RAB3D: variants seen among roughly 807,000 people sequenced by gnomAD.
RAB3D encodes the protein RAB3D, member RAS oncogene family.
RAB3D carries 17 observed loss-of-function variants against 19.3 expected under a neutral mutation model. The ratio of observed to expected loss-of-function variants is 0.88; its 90% confidence interval spans 0.60 to 1.32. The LOEUF is 1.32. Ranked by LOEUF, RAB3D falls within the 40% of genes most tolerant of loss-of-function variation. The pLI, the probability that RAB3D is intolerant of heterozygous loss-of-function variation, is 0.00. For synonymous variants in RAB3D, 103 were observed against 119.9 expected (o/e 0.86, Z 0.92); for missense variants, 223 against 299.1 (o/e 0.75, Z 1.88).
rs150471578 is a variant in RAB3D, at chr19:11,338,137, T to A, written c.-61-677A>T. Among the ~76,000 whole-genome samples, 59 of 152,232 alleles carry A rather than the reference T, an allele frequency of 3.9e-4. 1 individual carries two copies. Among genetic ancestry groups the A allele is most frequent in the African/African-American group, 1.3e-3 (55 of 41,562 alleles). ...CACGTAACGGTCATTAGACAGTGCCTGGTATAGAGCTGGGGCACAAAAAAT... is the reference window on the plus strand; with the variant it reads ...CACGTAACGGTCATTAGACAGTGCCAGGTATAGAGCTGGGGCACAAAAAAT... On this transcript the variant is annotated intron_variant, in intron 1 of 4. Coordinates refer to ENST00000222120, the MANE Select transcript of RAB3D (RefSeq NM_004283.4).
rs2080800265 is a variant in RAB3D at position 11,324,579 on chromosome 19, C to G, written c.*819G>C. ...AGGTTAATTAACTTCTGGCCGAAAG[C>G]CCAGAGCCGGAGTGCTAGGGGTTGG... On this transcript the variant is annotated 3_prime_UTR_variant, in exon 5 of 5. Transcript: ENST00000222120. The G allele has an allele frequency of 6.6e-6, 1 of 152,646 alleles. No individual in the cohort carries two copies. Among genetic ancestry groups the G allele is most frequent in the Non-Finnish European group, 1.5e-5 (1 of 68,066 alleles). 9.5% of individuals were successfully genotyped at this position (152,646 alleles called of 1,614,324 possible).
intron 4 of RAB3D, among the ~76,000 whole-genome samples, chr19:11,332,479 A>G (rs1057149643): frequency 1.3e-5 from 2 of 152,102 alleles, no homozygotes; most frequent in African/African-American, 2.4e-5. Flanking sequence ...TGAGTAGCTG[A>G]GACTATAGGT....
chr19:11,335,737 T>C lies in RAB3D; in HGVS notation c.275A>G (p.Tyr92Cys). ...ERYRTITTAY[Y>C]RGAMGFLLMY... ...GAGCAGGAAGCCCATGGCTCCCCGG[T>C]AGTAGGCCGTGGTGATGGTGCGGTA... The change falls in exon 3 of 5, where the codon TAC becomes TGC. Residue 92 changes from tyrosine to cysteine, a missense_variant. Transcript: ENST00000222120. 6.2e-7 allele frequency: 1 copy of C among 1,614,184 alleles called. No individual in the cohort carries two copies. The highest frequency in any genetic ancestry group is 8.5e-7 in the Non-Finnish European group (1 of 1,180,030).
chr19:11,332,137 A>G (rs955702107), intron 4 of RAB3D, among the ~76,000 whole-genome samples: 4 of 152,138 alleles, frequency 2.6e-5, no homozygotes, highest in African/African-American at 9.7e-5. Flanking sequence ...GGTTCAAGTG[A>G]TTCTCCTCCC....
At chr19:11,334,629 A>C (rs998128897) in intron 4 of RAB3D, among the ~76,000 whole-genome samples, 1 of 151,598 alleles carries the variant, frequency 6.6e-6, no homozygotes, top group African/African-American at 2.4e-5. Context: ...TCTCCACGCA[A>C]AATTAAAAAA....
chr19:11,328,377 C>T (rs967840422), intron 4 of RAB3D, among the ~76,000 whole-genome samples: 5 of 146,322 alleles, frequency 3.4e-5, no homozygotes, highest in Non-Finnish European at 5.9e-5. Flanking sequence ...GGGTGCCAGG[C>T]GTGGTGGCTC....
intron 4 of RAB3D, chr19:11,327,000 AG>A: frequency 2.1e-6 from 1 of 481,538 alleles, no homozygotes; most frequent in Non-Finnish European, 3.7e-6. Flanking sequence ...CACCAAGGTA[AG>A]CCAGGAATTC....
At chr19:11,333,819 A>T (rs2080843214) in intron 4 of RAB3D, among the ~76,000 whole-genome samples, 1 of 151,370 alleles carries the variant, frequency 6.6e-6, no homozygotes, top group African/African-American at 2.4e-5. Flanking sequence ...TCAGCCTCCC[A>T]AGTAGCTGGG....
chr19:11,330,283 G>A (rs1301443714), intron 4 of RAB3D, among the ~76,000 whole-genome samples: 1 of 152,172 alleles, frequency 6.6e-6, no homozygotes, highest in Non-Finnish European at 1.5e-5. Flanking sequence ...TAGGCTTTCT[G>A]GGTCATATGG....
intron 2 of RAB3D, among the ~76,000 whole-genome samples, chr19:11,336,111 G>T (rs879763146): frequency 6.6e-5 from 10 of 152,112 alleles, no homozygotes; most frequent in Non-Finnish European, 1.0e-4. Context: ...GAACCAACTG[G>T]GCCAGATGGT....
rs771796812 is a variant in RAB3D, at chr19:11,325,580, C to G, written c.478G>C (p.Glu160Gln). Reference sequence around the variant, plus strand: ...TCCTTGGCACTGGCTTCAAAGAACTCGAAACCTGGATGAATGTTAAGGTGG... The same window carrying G: ...TCCTTGGCACTGGCTTCAAAGAACTGGAAACCTGGATGAATGTTAAGGTGG... ...GRRLADDLGF[E>Q]FFEASAKENI... is the part of the protein sequence containing the mutation. The change falls in exon 5 of 5, where the codon GAG becomes CAG. Residue 160 changes from glutamate (E) to glutamine (Q), a missense_variant. Transcript: ENST00000222120. 10 of 1,607,350 alleles carry G rather than the reference C, an allele frequency of 6.2e-6. No homozygotes were observed. The highest frequency in any genetic ancestry group is 1.7e-5 in the Admixed American group (1 of 59,628).
rs565897769 is a variant in RAB3D at position 11,328,110 on chromosome 19, G to C, written c.473-2525C>G. On this transcript the variant is annotated intron_variant, in intron 4 of 4. Coordinates refer to ENST00000222120, the MANE Select transcript of RAB3D (RefSeq NM_004283.4). ...GCATTTTGGGAGGCCAAGGTGAGCGGATCACTTGAGGTCTGGAGTTTGAGA... is the reference window on the plus strand; with the variant it reads ...GCATTTTGGGAGGCCAAGGTGAGCGCATCACTTGAGGTCTGGAGTTTGAGA... Among the ~76,000 whole-genome samples the C allele has an allele frequency of 1.6e-4, 25 of 151,914 alleles. 1 individual carries two copies. The highest frequency in any genetic ancestry group is 3.4e-3 in the Middle Eastern group (1 of 292).
In RAB3D at chr19:11,324,556, GTTAA is replaced by G. The variant is rs754850166; in HGVS notation, c.*838_*841del. 4 of 152,776 alleles carry G rather than the reference GTTAA, an allele frequency of 2.6e-5. No homozygotes were observed. Among genetic ancestry groups the G allele is most frequent in the East Asian group, 3.9e-4 (2 of 5,188 alleles). 9.5% of individuals were successfully genotyped at this position (152,776 alleles called of 1,614,324 possible). ...CCAGCCCCAGGCTCCTGGCTCTGAG[GTTAA>G]TTAACTTCTGGCCGAAAGCCCAGAG... On this transcript the variant is annotated 3_prime_UTR_variant, in exon 5 of 5. Coordinates refer to ENST00000222120, the MANE Select transcript of RAB3D (RefSeq NM_004283.4).
chr19:11,322,753 G>GA lies in RAB3D; in HGVS notation c.*2644dup, dbSNP rs891098674. 157 of 152,280 alleles carry GA rather than the reference G, an allele frequency of 1.0e-3. No individual in the cohort carries two copies. The highest frequency in any genetic ancestry group is 3.7e-3 in the African/African-American group (154 of 41,562). The allele number at this position is 152,280 out of a possible 1,614,324, so 9.4% of individuals were successfully genotyped here. ...GGCTGCTACTTGAAGTTGAATTCTT[G>GA]AAAAATCTTATGTAAACAGAAAGCT... On this transcript the variant is annotated 3_prime_UTR_variant, in exon 5 of 5. Coordinates refer to ENST00000222120, the MANE Select transcript of RAB3D (RefSeq NM_004283.4).
intron 1 of RAB3D, among the ~76,000 whole-genome samples, chr19:11,338,507 A>G (rs1179224781): frequency 6.6e-6 from 1 of 152,056 alleles, no homozygotes; most frequent in Non-Finnish European, 1.5e-5. Flanking sequence ...ACTCATGCCA[A>G]ATACAACCCC....
chr19:11,324,862 C>T lies in RAB3D; in HGVS notation c.*536G>A, dbSNP rs1429440422. 6.6e-6 allele frequency: 1 copy of T among 152,520 alleles called. No homozygotes were observed. Among genetic ancestry groups the T allele is most frequent in the Non-Finnish European group, 1.5e-5 (1 of 68,236 alleles). The allele number at this position is 152,520 out of a possible 1,614,324, so 9.4% of individuals were successfully genotyped here. On this transcript the variant is annotated 3_prime_UTR_variant, in exon 5 of 5. Coordinates refer to ENST00000222120, the MANE Select transcript of RAB3D (RefSeq NM_004283.4). ...CTGCAGGGGTCAAAGGGATCACCATCCCACCTTGGAATCCAGAAAGTTCGT... is the reference window on the plus strand; with the variant it reads ...CTGCAGGGGTCAAAGGGATCACCATTCCACCTTGGAATCCAGAAAGTTCGT...
At chr19:11,329,101 T>C (rs1362884129) in intron 4 of RAB3D, among the ~76,000 whole-genome samples, 4 of 151,830 alleles carry the variant, frequency 2.6e-5, no homozygotes, top group African/African-American at 9.7e-5. Flanking sequence ...GTATTTTTTA[T>C]AGGGGTGGGG....
intron 2 of RAB3D, among the ~76,000 whole-genome samples, 181 bp downstream of exon 2, chr19:11,336,988 AAAG>A (rs915844055): frequency 6.6e-6 from 1 of 150,780 alleles, no homozygotes; most frequent in African/African-American, 2.4e-5. Context: ...AAAAAAAAAA[AAAG>A]GTCGAGGCAG....
chr19:11,335,571 C>T lies in RAB3D; in HGVS notation c.348G>A (p.Trp116Ter). The T allele has an allele frequency of 1.2e-6, 2 of 1,614,054 alleles. No individual in the cohort carries two copies. Among genetic ancestry groups the T allele is most frequent in the Non-Finnish European group, 8.5e-7 (1 of 1,179,972 alleles). Reference protein sequence around the residue: ...NQESFAAVQDWATQIKTYSWD... With the variant: ...NQESFAAVQD ...AGGAGTAGGTCTTGATTTGCGTGGC[C>T]CTGCAGAGTTACCAGTGGTGAGCCA... The change falls in exon 4 of 5, where the codon TGG becomes TGA. Residue 116 changes from tryptophan to a stop codon, truncating the protein, a stop_gained and splice_region_variant. Coordinates refer to ENST00000222120, the MANE Select transcript of RAB3D (RefSeq NM_004283.4). LOFTEE classifies it high-confidence loss of function.
Sources: gnomAD v4.1 joint callset for allele counts (sites outside exome capture counted in the v4.1 genomes callset) on GRCh38, gnomAD v4.1.1 for gene constraint, MANE v1.5 for transcripts, NCBI Gene and HGNC (gene_info 2026-07-23, HGNC 2026-07-21) for gene names.